Variants in SEPTIN9 observed in about 807,000 individuals in gnomAD.
SEPTIN9 encodes the protein septin 9.
Under a neutral mutation model 56.6 loss-of-function variants are expected in SEPTIN9, and 13 were observed. The observed-to-expected ratio is 0.23, with a 90% CI of 0.15 to 0.37. SEPTIN9 has a LOEUF of 0.37. SEPTIN9 is among the 10% of genes least tolerant of loss of function. The pLI, the probability that SEPTIN9 is intolerant of heterozygous loss-of-function variation, is 1.00. For synonymous variants in SEPTIN9, 332 were observed against 334.1 expected (o/e 0.99, Z 0.07); for missense variants, 650 against 823.1 (o/e 0.79, Z 2.57).
chr17:77,410,516 C>G (rs1342836367), intron 3 of SEPTIN9, among the ~76,000 whole-genome samples: 1 of 152,218 alleles, frequency 6.6e-6, no homozygotes, highest in East Asian at 1.9e-4. Context: ...GCCTTGCCCA[C>G]TCGTGTGTGG....
Position 77,494,410 on chromosome 17 carries a change from G to A in SEPTIN9, c.1573+1334G>A, listed in dbSNP as rs940499444. Reference sequence around the variant, plus strand: ...GAAATGCAGCAGGAAAAGCCACTTTGTTCTGGGAGAGCACTTGGCTGAAAG... The same window carrying A: ...GAAATGCAGCAGGAAAAGCCACTTTATTCTGGGAGAGCACTTGGCTGAAAG... On this transcript the variant is annotated intron_variant, in intron 10 of 11. Transcript: ENST00000427177. Among the ~76,000 whole-genome samples the A allele has an allele frequency of 2.0e-5, 3 of 152,352 alleles. No individual in the cohort carries two copies. The South Asian group carries it at 6.2e-4, about 32-fold the overall frequency.
At chr17:77,379,219 A>AGGG (rs1568024641) in intron 2 of SEPTIN9, among the ~76,000 whole-genome samples, 1 of 150,720 alleles carries the variant, frequency 6.6e-6, no homozygotes, top group African/African-American at 2.4e-5. Flanking sequence ...GCACCCCCAT[A>AGGG]CCCCTACACT....
intron 2 of SEPTIN9, among the ~76,000 whole-genome samples, chr17:77,354,339 C>T (rs114322700): frequency 5.9e-5 from 9 of 152,182 alleles, no homozygotes; most frequent in East Asian, 1.9e-4. Context: ...CTCACTCATG[C>T]GGCAGGCGCT....
intron 3 of SEPTIN9, among the ~76,000 whole-genome samples, chr17:77,473,143 T>C (rs887452618): frequency 1.6e-4 from 25 of 152,240 alleles, no homozygotes; most frequent in African/African-American, 5.8e-4. Flanking sequence ...ACTTGAGAGC[T>C]TCCTCCTGCC....
intron 4 of SEPTIN9, among the ~76,000 whole-genome samples, chr17:77,486,974 A>G (rs576014298): frequency 1.6e-3 from 251 of 152,310 alleles, no homozygotes; most frequent in African/African-American, 5.9e-3. Context: ...AGGGAGGAGC[A>G]GTTTGAACAC....
At chr17:77,288,249 C>T (rs1006664837) in intron 1 of SEPTIN9, 1 of 1,020,456 alleles carries the variant, frequency 9.8e-7, no homozygotes. Context: ...TCCCAGGCTG[C>T]TTAAATGACC....
intron 3 of SEPTIN9, among the ~76,000 whole-genome samples, chr17:77,439,604 T>C: frequency 6.6e-6 from 1 of 151,974 alleles, no homozygotes; most frequent in East Asian, 1.9e-4. Context: ...TTTTCTGAGC[T>C]GAGTGGGGAT....
At chr17:77,455,410 T>A (rs1234707295) in intron 3 of SEPTIN9, among the ~76,000 whole-genome samples, 1 of 152,228 alleles carries the variant, frequency 6.6e-6, no homozygotes, top group Non-Finnish European at 1.5e-5. Flanking sequence ...CCCGCCCTGC[T>A]CTGTGGGTGC....
chr17:77,439,666 G>A (rs1598377786), intron 3 of SEPTIN9, among the ~76,000 whole-genome samples: 1 of 152,222 alleles, frequency 6.6e-6, no homozygotes, highest in Non-Finnish European at 1.5e-5. Context: ...TGTCCTGGAG[G>A]CTGGTGGGCA....
chr17:77,281,665 C>T, intron 1 of SEPTIN9, 111 bp downstream of exon 1: 4 of 1,099,754 alleles, frequency 3.6e-6, no homozygotes, highest in East Asian at 3.1e-5. Flanking sequence ...AGCGAGTCCC[C>T]GCGGCGGGCA....
chr17:77,463,237 T>C (rs1340687034), intron 3 of SEPTIN9, among the ~76,000 whole-genome samples: 2 of 152,176 alleles, frequency 1.3e-5, no homozygotes, highest in African/African-American at 2.4e-5. Context: ...ATATTTACTA[T>C]GCCAAGGCAC....
At position 77,475,463 on chromosome 17, in the gene SEPTIN9, G is replaced by T; in HGVS notation, c.722-6681G>T. Reference sequence around the variant, plus strand: ...TCAGGGACTCACTCAGCTTTAAGAAGCCCCTTTGTGGGGGACAGGGAGCAT... The same window carrying T: ...TCAGGGACTCACTCAGCTTTAAGAATCCCCTTTGTGGGGGACAGGGAGCAT... On this transcript the variant is annotated intron_variant, in intron 3 of 11. Transcript: ENST00000427177. This position sits in a 1 kb window ranked among gnomAD's most constrained non-coding sequence, Gnocchi z 4.6. 6.4e-7 allele frequency: 1 copy of T among 1,562,504 alleles called. No homozygotes were observed. The highest frequency in any genetic ancestry group is 1.9e-5 in the Admixed American group (1 of 52,978).
At chr17:77,349,769 C>A (rs1369833) in intron 2 of SEPTIN9, among the ~76,000 whole-genome samples, 2 of 152,136 alleles carry the variant, frequency 1.3e-5, no homozygotes, top group Non-Finnish European at 2.9e-5. Flanking sequence ...TTTGTTCTTT[C>A]AAATATTTTG....
intron 3 of SEPTIN9, among the ~76,000 whole-genome samples, chr17:77,412,411 T>C (rs939783183): frequency 3.9e-5 from 6 of 152,162 alleles, no homozygotes; most frequent in Non-Finnish European, 5.9e-5. Flanking sequence ...ATTTGGAAGG[T>C]GTATCCTTTT....
chr17:77,291,866 T>C (rs1001640686), intron 1 of SEPTIN9, among the ~76,000 whole-genome samples: 2 of 152,212 alleles, frequency 1.3e-5, no homozygotes, highest in African/African-American at 2.4e-5. Flanking sequence ...TGAGTCCCTT[T>C]TCTGGTATTT....
At chr17:77,395,330 A>G (rs1415370638) in intron 2 of SEPTIN9, among the ~76,000 whole-genome samples, 2 of 152,094 alleles carry the variant, frequency 1.3e-5, no homozygotes, top group East Asian at 1.9e-4. Flanking sequence ...GATTGAGACC[A>G]TCCTGGCTAA....
chr17:77,463,767 C>T (rs1038550912), intron 3 of SEPTIN9, among the ~76,000 whole-genome samples: 23 of 151,932 alleles, frequency 1.5e-4, no homozygotes, highest in South Asian at 2.1e-4. Flanking sequence ...TGCTTGAACC[C>T]GGGAGGCAGA....
At chr17:77,464,822 T>C (rs1266325911) in intron 3 of SEPTIN9, among the ~76,000 whole-genome samples, 1 of 151,840 alleles carries the variant, frequency 6.6e-6, no homozygotes, top group Non-Finnish European at 1.5e-5. Context: ...CTCAATCTCC[T>C]GACCTCGTGA....
chr17:77,483,893 TC>T (rs1405248227), intron 4 of SEPTIN9: 1 of 152,318 alleles, frequency 6.6e-6, no homozygotes, highest in Non-Finnish European at 1.5e-5. Context: ...AGCTCTGCTC[TC>T]CTCCCTCCTC....
Sources: allele counts gnomAD v4.1 joint callset (sites outside exome capture counted in the v4.1 genomes callset), GRCh38; gene constraint gnomAD v4.1.1; non-coding constraint Gnocchi (gnomAD v3.1); transcripts MANE v1.5; gene names NCBI Gene and HGNC (gene_info 2026-07-23, HGNC 2026-07-21).